The following CSMD3 variants were observed in gnomAD, a reference collection of about 807,000 sequenced individuals.
CSMD3 encodes CUB and sushi domain-containing protein 3.
CSMD3 carries 177 observed loss-of-function variants against 435.2 expected under a neutral mutation model. The ratio of observed to expected loss-of-function variants is 0.41; its 90% confidence interval spans 0.36 to 0.46. The LOEUF (loss-of-function observed/expected upper bound fraction) is 0.46. CSMD3 is among the 20% of genes least tolerant of loss of function. The pLI is 0.34. For synonymous variants in CSMD3, 1,656 were observed against 1,520.5 expected, an observed-to-expected ratio of 1.09 and a Z score of -2.07; for missense variants, 4,265 against 4,504.6, an observed-to-expected ratio of 0.95 and a Z score of 1.52.
chr8:112,333,778 A>G (rs1824302137), intron 45 of CSMD3, among the ~76,000 whole-genome samples: 1 of 152,042 alleles, frequency 6.6e-6, no homozygotes, highest in African/African-American at 2.4e-5. Context: ...CTATAGGGTT[A>G]TCTTGTGGAT....
At chr8:113,393,146 G>C (rs2094468754) in intron 1 of CSMD3, among the ~76,000 whole-genome samples, 1 of 151,812 alleles carries the variant, frequency 6.6e-6, no homozygotes, top group African/African-American at 2.4e-5. Context: ...TCCATCTAGA[G>C]TGAGAAAAAG....
intron 5 of CSMD3, among the ~76,000 whole-genome samples, chr8:113,035,415 A>G (rs1429256443): frequency 6.6e-6 from 1 of 152,020 alleles, no homozygotes; most frequent in Admixed American, 6.5e-5. Flanking sequence ...TGCATACTAT[A>G]TGATTTAATG....
chr8:112,553,483 A>G (rs964686622), intron 25 of CSMD3, among the ~76,000 whole-genome samples: 1 of 152,090 alleles, frequency 6.6e-6, no homozygotes, highest in African/African-American at 2.4e-5. Context: ...TATTTTAGTT[A>G]GCATATTGCT....
intron 6 of CSMD3, among the ~76,000 whole-genome samples, chr8:113,011,004 G>T (rs1027685576): frequency 2.0e-5 from 3 of 151,242 alleles, no homozygotes; most frequent in Non-Finnish European, 4.4e-5. Flanking sequence ...ATTATTTTCT[G>T]ATTTTAAGTA....
intron 39 of CSMD3, among the ~76,000 whole-genome samples, chr8:112,351,640 CA>C (rs1826146737): frequency 1.3e-5 from 2 of 151,708 alleles, no homozygotes; most frequent in African/African-American, 4.8e-5. Context: ...AATTTTTTCA[CA>C]AAAATATTAA....
chr8:113,308,744 G>C (rs930029998), intron 2 of CSMD3, among the ~76,000 whole-genome samples: 1 of 152,106 alleles, frequency 6.6e-6, no homozygotes, highest in Non-Finnish European at 1.5e-5. Flanking sequence ...TGGCATAGAA[G>C]TTATAATTAT....
At chr8:112,356,555 A>G (rs1297803970) in intron 38 of CSMD3, among the ~76,000 whole-genome samples, 2 of 151,568 alleles carry the variant, frequency 1.3e-5, no homozygotes, top group East Asian at 3.9e-4. Flanking sequence ...ATGAGTACTG[A>G]TTCGGTTTGG....
chr8:112,951,554 A>T (rs1201272461), intron 8 of CSMD3, among the ~76,000 whole-genome samples: 1 of 151,828 alleles, frequency 6.6e-6, no homozygotes, highest in African/African-American at 2.4e-5. Context: ...CTGAACTCAA[A>T]CAACACTGAT....
chr8:112,335,609 T>G (rs1586802793), intron 44 of CSMD3, 135 bp from the exon 45 acceptor site: 2 of 767,820 alleles, frequency 2.6e-6, no homozygotes, highest in East Asian at 5.3e-5. Context: ...AGCTAACCAA[T>G]GAGTACAAAT....
intron 3 of CSMD3, among the ~76,000 whole-genome samples, chr8:113,233,022 A>G (rs2093106374): frequency 6.6e-6 from 1 of 152,054 alleles, no homozygotes; most frequent in East Asian, 1.9e-4. Flanking sequence ...AAGTTAAGAT[A>G]TAAATTTTAA....
At chr8:112,843,119 TTATACTTCTC>T (rs1315768400) in intron 11 of CSMD3, among the ~76,000 whole-genome samples, 1 of 151,878 alleles carries the variant, frequency 6.6e-6, no homozygotes, top group Non-Finnish European at 1.5e-5. Flanking sequence ...TTTGGTTTCT[TTATACTTCTC>T]TGTGCTTTTG....
chr8:113,132,051 T>C (rs1198262386), intron 4 of CSMD3, among the ~76,000 whole-genome samples: 2 of 152,204 alleles, frequency 1.3e-5, no homozygotes, highest in Non-Finnish European at 2.9e-5. Context: ...ATGGGGCCTA[T>C]AGCCCCTTTG....
Position 112,636,850 on chromosome 8 carries a change from G to T in CSMD3, c.3682C>A (p.Arg1228=). 6.2e-7 allele frequency: 1 copy of T among 1,611,038 alleles called. No individual in the cohort carries two copies. The highest frequency in any genetic ancestry group is 1.1e-5 in the South Asian group (1 of 90,838). Residue 1228 remains arginine (R), a synonymous_variant, in exon 22 of 71, where the codon CGA becomes AGA. Coordinates refer to ENST00000297405, the MANE Select transcript of CSMD3 (RefSeq NM_198123.2). ...SEIICLGGGR[R]VWSAPLPRCV... ...CTTGGCAGAGGTGCACTCCACACTC[G>T]TCGGCCACCACCAAGACAGATGATC...
intron 11 of CSMD3, among the ~76,000 whole-genome samples, chr8:112,830,133 A>G (rs1017737653): frequency 6.6e-6 from 1 of 152,142 alleles, no homozygotes; most frequent in African/African-American, 2.4e-5. Flanking sequence ...CTACTTTAAG[A>G]AGGCTTTATA....
intron 10 of CSMD3, among the ~76,000 whole-genome samples, chr8:112,870,042 A>T (rs755673581): frequency 6.6e-6 from 1 of 152,182 alleles, no homozygotes; most frequent in African/African-American, 2.4e-5. Context: ...GAACTTAAAA[A>T]TTTTAAAAAT....
chr8:112,656,877 T>C (rs1017726930), intron 17 of CSMD3, among the ~76,000 whole-genome samples: 3 of 152,056 alleles, frequency 2.0e-5, no homozygotes, highest in African/African-American at 7.2e-5. Flanking sequence ...AAAACAACAG[T>C]TCTAAGTAGG....
intron 1 of CSMD3, among the ~76,000 whole-genome samples, chr8:113,382,534 A>C (rs2094420866): frequency 6.6e-6 from 1 of 152,238 alleles, no homozygotes; most frequent in African/African-American, 2.4e-5. Flanking sequence ...ACTTTAACTT[A>C]GTAATTTTCT....
chr8:112,409,616 A>C (rs757083143), intron 32 of CSMD3, among the ~76,000 whole-genome samples: 2 of 152,016 alleles, frequency 1.3e-5, no homozygotes, highest in Non-Finnish European at 2.9e-5. Flanking sequence ...AAAATAAAGA[A>C]ATATTATTTA....
intron 11 of CSMD3, among the ~76,000 whole-genome samples, chr8:112,853,826 T>G (rs1357835436): frequency 6.6e-6 from 1 of 152,236 alleles, no homozygotes; most frequent in Admixed American, 6.5e-5. Flanking sequence ...TAGCCAACCC[T>G]TCTGTATTCT....
Sources: gnomAD v4.1 joint callset for allele counts (sites outside exome capture counted in the v4.1 genomes callset) on GRCh38, gnomAD v4.1.1 for gene constraint, MANE v1.5 for transcripts, NCBI Gene and HGNC (gene_info 2026-07-23, HGNC 2026-07-21) for gene names.